The following BTF3L4 variants were observed in gnomAD, a reference collection of about 807,000 sequenced individuals.
The protein encoded by BTF3L4 is transcription factor BTF3 homolog 4.
BTF3L4 carries 6 observed loss-of-function variants against 16.8 expected under a neutral mutation model. The observed-to-expected ratio is 0.36, with a 90% CI of 0.20 to 0.71. The LOEUF is 0.71. Among genes scored for constraint, BTF3L4 ranks in the 30% least tolerant of loss-of-function variants. The pLI, the probability that BTF3L4 is intolerant of heterozygous loss-of-function variation, is 0.58. For missense variants in BTF3L4, 92 were observed against 186.9 expected (o/e 0.49, Z 2.96); for synonymous variants, 39 against 59.8 (o/e 0.65, Z 1.60).
rs970720798 is a variant in BTF3L4, at chr1:52,081,888, C to T, written c.169-1452C>T. Among the ~76,000 whole-genome samples, 8 of 152,316 alleles carry T rather than the reference C, an allele frequency of 5.3e-5. No individual in the cohort carries two copies. The East Asian group carries it at 1.5e-3, about 29-fold the overall frequency. ...GGTCTTGCCTGAAATTTAGAAGCCC[C>T]TTTCTTGCCCTTCCTTTCTGGTGCT... On this transcript the variant is annotated intron_variant, in intron 3 of 5. Coordinates refer to ENST00000313334, the MANE Select transcript of BTF3L4 (RefSeq NM_152265.5).
intron 3 of BTF3L4, among the ~76,000 whole-genome samples, chr1:52,068,401 A>G (rs942286116): frequency 1.3e-5 from 2 of 152,204 alleles, no homozygotes; most frequent in Non-Finnish European, 2.9e-5. Flanking sequence ...TGAGGAGACT[A>G]ATTAGACAAC....
At chr1:52,062,904 G>A (rs1328616370) in intron 2 of BTF3L4, among the ~76,000 whole-genome samples, 2 of 145,112 alleles carry the variant, frequency 1.4e-5, no homozygotes, top group Non-Finnish European at 3.0e-5. Context: ...TGAGGAGTGC[G>A]CATCCTAGTT....
intron 4 of BTF3L4, among the ~76,000 whole-genome samples, chr1:52,085,209 C>G (rs1643960629): frequency 1.3e-5 from 2 of 151,444 alleles, no homozygotes; most frequent in Non-Finnish European, 2.9e-5. Flanking sequence ...TTAGTAGAGA[C>G]AGGGTTTCAC....
At chr1:52,064,775 C>T (rs761147214) in intron 2 of BTF3L4, 50 bp from the exon 3 acceptor site, 36 of 1,133,146 alleles carry the variant, frequency 3.2e-5, no homozygotes, top group Non-Finnish European at 4.4e-5. Flanking sequence ...ATTGCAGTTG[C>T]CAGATGCCAG....
At chr1:52,060,833 AACCACAGTAGTCACATTGTAGCATCAAG>A (rs1686490531) in intron 2 of BTF3L4, among the ~76,000 whole-genome samples, 1 of 152,252 alleles carries the variant, frequency 6.6e-6, no homozygotes, top group African/African-American at 2.4e-5. Context: ...ACACTCATGT[AACCACAGTAGTCACATTGTAGCATCAAG>A]TGTGATGTGA....
chr1:52,058,326 C>G (rs1346917811), intron 1 of BTF3L4, among the ~76,000 whole-genome samples: 1 of 152,174 alleles, frequency 6.6e-6, no homozygotes, highest in Non-Finnish European at 1.5e-5. Context: ...TATTTGGGAT[C>G]TGGACATTAG....
chr1:52,057,361 G>C (rs1686395741), intron 1 of BTF3L4, among the ~76,000 whole-genome samples: 2 of 152,192 alleles, frequency 1.3e-5, no homozygotes, highest in South Asian at 2.1e-4. Flanking sequence ...CTTGAGAACA[G>C]TGCTAAAAGA....
intron 5 of BTF3L4, 96 bp downstream of exon 5, chr1:52,086,267 G>C: frequency 1.1e-6 from 1 of 898,168 alleles, no homozygotes; most frequent in South Asian, 1.9e-5. Context: ...TTGATTGTAA[G>C]CTCATGAATT....
At chr1:52,059,078 C>A (rs1010886519) in intron 1 of BTF3L4, among the ~76,000 whole-genome samples, 3 of 151,670 alleles carry the variant, frequency 2.0e-5, no homozygotes, top group East Asian at 1.9e-4. Flanking sequence ...CTCTCTGCCC[C>A]CCCCCAACAT....
chr1:52,070,707 G>A lies in BTF3L4; in HGVS notation c.168+5769G>A, dbSNP rs564496928. Among the ~76,000 whole-genome samples the A allele has an allele frequency of 2.0e-5, 3 of 148,160 alleles. No homozygotes were observed. In the South Asian group the frequency reaches 6.5e-4, roughly 32 times the overall value. ...GCTGGAGTGCAGTGGCACAGTCTTGGCTCACTGCAACCTACTGCCTCCTGG... is the reference window on the plus strand; with the variant it reads ...GCTGGAGTGCAGTGGCACAGTCTTGACTCACTGCAACCTACTGCCTCCTGG... On this transcript the variant is annotated intron_variant, in intron 3 of 5. Coordinates refer to ENST00000313334, the MANE Select transcript of BTF3L4 (RefSeq NM_152265.5).
chr1:52,076,108 G>A (rs1686925647), intron 3 of BTF3L4, among the ~76,000 whole-genome samples: 2 of 152,118 alleles, frequency 1.3e-5, no homozygotes, highest in Non-Finnish European at 2.9e-5. Flanking sequence ...ATTCCTAGCT[G>A]GGCACGGGAA....
chr1:52,067,924 T>C (rs1328609298), intron 3 of BTF3L4, among the ~76,000 whole-genome samples: 1 of 152,100 alleles, frequency 6.6e-6, no homozygotes, highest in Non-Finnish European at 1.5e-5. Flanking sequence ...ATCAAAAATA[T>C]CTCTAGAGAT....
chr1:52,081,228 C>T (rs530873834), intron 3 of BTF3L4, among the ~76,000 whole-genome samples: 54 of 151,162 alleles, frequency 3.6e-4, no homozygotes, highest in African/African-American at 1.3e-3. Context: ...ACCTCCGACT[C>T]CTGGGTTCAA....
chr1:52,058,895 G>C (rs550642417), intron 1 of BTF3L4, among the ~76,000 whole-genome samples: 2 of 152,114 alleles, frequency 1.3e-5, no homozygotes, highest in African/African-American at 4.8e-5. Context: ...CCACCGTGCC[G>C]GGCCTGAATT....
At chr1:52,058,763 G>A (rs1443841507) in intron 1 of BTF3L4, among the ~76,000 whole-genome samples, 2 of 152,102 alleles carry the variant, frequency 1.3e-5, no homozygotes, top group African/African-American at 2.4e-5. Flanking sequence ...CACCACGCCC[G>A]GCTAATTTTG....
intron 3 of BTF3L4, among the ~76,000 whole-genome samples, chr1:52,075,922 C>T (rs962372631): frequency 2.0e-5 from 3 of 152,152 alleles, no homozygotes; most frequent in East Asian, 1.9e-4. Flanking sequence ...GCCTCAGCCT[C>T]CCGAAGCGTA....
chr1:52,056,911 C>A (rs1446765725), intron 1 of BTF3L4, among the ~76,000 whole-genome samples: 1 of 152,212 alleles, frequency 6.6e-6, no homozygotes, highest in Admixed American at 6.5e-5. Context: ...TGCTGACCGA[C>A]AGGCTCAGTG....
At chr1:52,060,407 A>G in intron 2 of BTF3L4, 1 of 1,182,540 alleles carries the variant, frequency 8.5e-7, no homozygotes, top group Middle Eastern at 2.3e-4. Flanking sequence ...TAAGTTGATT[A>G]TATATTTTGT....
intron 2 of BTF3L4, among the ~76,000 whole-genome samples, chr1:52,060,170 A>C (rs1251205609): frequency 6.6e-6 from 1 of 152,220 alleles, no homozygotes; most frequent in African/African-American, 2.4e-5. Flanking sequence ...CAACCTTGTT[A>C]AGCTTCCACT....
Sources: allele counts gnomAD v4.1 joint callset (sites outside exome capture counted in the v4.1 genomes callset), GRCh38; gene constraint gnomAD v4.1.1; transcripts MANE v1.5; gene names NCBI Gene and HGNC (gene_info 2026-07-23, HGNC 2026-07-21).